MAGI2: variants seen among roughly 807,000 people sequenced by gnomAD.
MAGI2 encodes membrane-associated guanylate kinase, WW and PDZ domain-containing protein 2.
A neutral mutation model predicts 133.3 loss-of-function variants in MAGI2; 35 were observed. The observed-to-expected ratio is 0.26, with a 90% confidence interval of 0.20 to 0.35. MAGI2 has a LOEUF of 0.35. Among genes scored for constraint, MAGI2 ranks in the 10% least tolerant of loss-of-function variants. The probability of loss-of-function intolerance (pLI) is 1.00; values close to 1 mark genes in which losing one functional copy is unlikely to be tolerated. For synonymous variants in MAGI2, 729 were observed against 710.6 expected, an observed-to-expected ratio of 1.03 and a Z score of -0.41; for missense variants, 1,636 against 1,863.4, an observed-to-expected ratio of 0.88 and a Z score of 2.25.
chr7:79,080,088 C>T (rs1397631844), intron 1 of MAGI2, among the ~76,000 whole-genome samples: 1 of 152,096 alleles, frequency 6.6e-6, no homozygotes, highest in Non-Finnish European at 1.5e-5. Flanking sequence ...ATTACTTAAC[C>T]TATTTGACTG....
chr7:78,560,896 T>C (rs13242509), intron 3 of MAGI2, among the ~76,000 whole-genome samples: 16,015 of 152,182 alleles, frequency 0.11, 932 homozygotes, highest in African/African-American at 0.13. Flanking sequence ...GAGGCATAGC[T>C]CAGGATTTAT....
intron 2 of MAGI2, among the ~76,000 whole-genome samples, chr7:78,658,458 G>C (rs751680657): frequency 5.9e-5 from 9 of 152,060 alleles, no homozygotes; most frequent in Non-Finnish European, 1.3e-4. Flanking sequence ...CCATAGAAGG[G>C]AAAATTGATA....
intron 1 of MAGI2, among the ~76,000 whole-genome samples, chr7:79,205,103 G>A (rs908341892): frequency 4.0e-5 from 6 of 151,472 alleles, no homozygotes; most frequent in East Asian, 1.9e-4. Flanking sequence ...GGAGAAAGAC[G>A]CAAATATCCG....
intron 6 of MAGI2, among the ~76,000 whole-genome samples, chr7:78,386,846 T>C (rs1795435731): frequency 6.6e-6 from 1 of 152,130 alleles, no homozygotes; most frequent in Admixed American, 6.5e-5. Flanking sequence ...CTTTAATATA[T>C]GGAATCACAT....
chr7:79,066,505 A>G (rs1353643918), intron 1 of MAGI2, among the ~76,000 whole-genome samples: 1 of 151,850 alleles, frequency 6.6e-6, no homozygotes, highest in African/African-American at 2.4e-5. Context: ...ATTTTCTCCC[A>G]TTCTGTAGGT....
intron 3 of MAGI2, among the ~76,000 whole-genome samples, chr7:78,573,233 A>T (rs866666235): frequency 1.3e-3 from 57 of 44,454 alleles, no homozygotes; most frequent in African/African-American, 6.9e-3. Flanking sequence ...TATAAATATA[A>T]ATATATATAT....
chr7:78,130,791 A>G (rs1471816394), intron 18 of MAGI2, among the ~76,000 whole-genome samples: 1 of 152,202 alleles, frequency 6.6e-6, no homozygotes, highest in Non-Finnish European at 1.5e-5. Context: ...TGACTTATAA[A>G]CATTTGGATT....
chr7:79,152,868 G>C (rs1329667509), intron 1 of MAGI2, among the ~76,000 whole-genome samples: 2 of 152,188 alleles, frequency 1.3e-5, no homozygotes, highest in Non-Finnish European at 2.9e-5. Flanking sequence ...GATAAACTGA[G>C]TACAGACTTA....
intron 2 of MAGI2, among the ~76,000 whole-genome samples, chr7:78,700,651 TTC>T (rs1422414340): frequency 1.3e-5 from 2 of 152,064 alleles, no homozygotes; most frequent in Non-Finnish European, 2.9e-5. Flanking sequence ...ATTGGCAATT[TTC>T]TGTTTGATCA....
At chr7:79,389,552 T>C (rs1296161747) in intron 1 of MAGI2, among the ~76,000 whole-genome samples, 3 of 152,148 alleles carry the variant, frequency 2.0e-5, no homozygotes. Context: ...CCTATGTAAA[T>C]AGCATTATTC....
Position 79,138,429 on chromosome 7 carries a change from G to C in MAGI2, c.302-131223C>G, listed in dbSNP as rs146952768. On this transcript the variant is annotated intron_variant, in intron 1 of 21. Coordinates refer to ENST00000354212, the MANE Select transcript of MAGI2 (RefSeq NM_012301.4). ...CCAGTCCCTAAGTCCAAGTAAAATT[G>C]AGACCATTATTTTCATAAAATTTAT... Among the ~76,000 whole-genome samples, 737 of 152,266 alleles carry C rather than the reference G, an allele frequency of 4.8e-3. 9 individuals carry two copies. The highest frequency in any genetic ancestry group is 0.017 in the African/African-American group (704 of 41,562).
At chr7:78,563,845 C>G (rs1800657722) in intron 3 of MAGI2, among the ~76,000 whole-genome samples, 1 of 152,156 alleles carries the variant, frequency 6.6e-6, no homozygotes, top group South Asian at 2.1e-4. Context: ...CTAACGTTAT[C>G]AAAATCAATC....
At chr7:78,806,379 G>A (rs912448362) in intron 2 of MAGI2, among the ~76,000 whole-genome samples, 7 of 152,044 alleles carry the variant, frequency 4.6e-5, no homozygotes, top group Non-Finnish European at 8.8e-5. Flanking sequence ...TATATTAAAA[G>A]TGTTCAATTA....
At chr7:78,459,223 C>G (rs2151504445) in intron 6 of MAGI2, among the ~76,000 whole-genome samples, 1 of 152,194 alleles carries the variant, frequency 6.6e-6, no homozygotes, top group East Asian at 1.9e-4. Flanking sequence ...TGAATATAAT[C>G]AATATAAAAC....
In MAGI2 at chr7:78,421,908, T is replaced by C. The variant is rs904560964; in HGVS notation, c.1046-52695A>G. Among the ~76,000 whole-genome samples, 62 of 152,250 alleles carry C rather than the reference T, an allele frequency of 4.1e-4. 1 individual carries two copies. The highest frequency in any genetic ancestry group is 1.4e-3 in the African/African-American group (58 of 41,554). ...AGACAGTCTTATATTCATAAATGGA[T>C]TTGTGTGGAAATTTTAAATTTATAT... is the stretch of plus-strand genomic sequence containing the variant. On this transcript the variant is annotated intron_variant, in intron 6 of 21. Coordinates refer to ENST00000354212, the MANE Select transcript of MAGI2 (RefSeq NM_012301.4).
intron 1 of MAGI2, among the ~76,000 whole-genome samples, chr7:79,309,761 C>T (rs931962096): frequency 1.3e-5 from 2 of 151,618 alleles, no homozygotes; most frequent in Non-Finnish European, 2.9e-5. Flanking sequence ...CTTATGTATA[C>T]TTGTGTTCAT....
chr7:78,435,189 G>C (rs1051975674), intron 6 of MAGI2, among the ~76,000 whole-genome samples: 4 of 152,152 alleles, frequency 2.6e-5, no homozygotes, highest in Non-Finnish European at 4.4e-5. Context: ...ATTAAAAAGA[G>C]AGAATGTGTT....
chr7:78,845,313 G>A (rs967552004), intron 2 of MAGI2, among the ~76,000 whole-genome samples: 1 of 151,742 alleles, frequency 6.6e-6, no homozygotes, highest in Non-Finnish European at 1.5e-5. Flanking sequence ...GTTACTCTGG[G>A]TCAGAATATA....
At position 78,791,150 on chromosome 7, in the gene MAGI2, C is replaced by T. The variant is rs1041908934; in HGVS notation, c.419-163911G>A. Among the ~76,000 whole-genome samples the T allele has an allele frequency of 4.6e-5, 7 of 151,846 alleles. 1 individual carries two copies. Among genetic ancestry groups the T allele is most frequent in the Admixed American group, 2.0e-4 (3 of 15,242 alleles). The stretch of plus-strand genomic sequence containing the variant: ...TAAAGGCCTCTGGAGAGGAGTCCTC[C>T]GTAATAGAAAAATGGGCAAAGAACA... On this transcript the variant is annotated intron_variant, in intron 2 of 21. Transcript: ENST00000354212.
Sources: gnomAD v4.1 joint callset for allele counts (sites outside exome capture counted in the v4.1 genomes callset) on GRCh38, gnomAD v4.1.1 for gene constraint, MANE v1.5 for transcripts, NCBI Gene and HGNC (gene_info 2026-07-23, HGNC 2026-07-21) for gene names.